Variants in KIR2DL3 observed in about 807,000 individuals in gnomAD.
KIR2DL3 encodes the protein killer cell immunoglobulin-like receptor 2DL3.
In KIR2DL3, 39 loss-of-function variants were observed where a neutral mutation model predicts 33.8. The observed-to-expected ratio is 1.15, with a 90% CI of 0.89 to 1.51. The LOEUF is 1.51. Ranked by LOEUF, KIR2DL3 falls within the 40% of genes most tolerant of loss-of-function variation. KIR2DL3 has a pLI of 0.00. For synonymous variants in KIR2DL3, 174 were observed against 160.2 expected (o/e 1.09, Z -0.65); for missense variants, 462 against 426.2 (o/e 1.08, Z -0.74).
Position 54,743,972 on chromosome 19 carries a change from C to A in KIR2DL3, c.548C>A (p.Ala183Asp). The change falls in exon 4 of 8, where the codon GCC (alanine) becomes GAC (aspartate). Residue 183 changes from alanine to aspartate, a missense_variant. Transcript: ENST00000342376. Reference sequence around the variant, plus strand: ...CCCAAGGTCAACGGAACATTCCAGGCCGACTTTCCTCTGGGCCCTGCCACC... The same window carrying A: ...CCCAAGGTCAACGGAACATTCCAGGACGACTTTCCTCTGGGCCCTGCCACC... ...AGPKVNGTFQ[A>D]DFPLGPATHG... 6.2e-7 allele frequency: 1 copy of A among 1,614,218 alleles called. No homozygotes were observed. The highest frequency in any genetic ancestry group is 8.5e-7 in the Non-Finnish European group (1 of 1,180,034).
chr19:54,741,072 T>G (rs186518676), intron 2 of KIR2DL3, among the ~76,000 whole-genome samples: 9,117 of 149,844 alleles, frequency 0.061, 363 homozygotes, highest in African/African-American at 0.12. Flanking sequence ...CTGTCTCCAG[T>G]ACTGGAAGGT....
chr19:54,743,724 G>T, intron 3 of KIR2DL3, 71 bp from the exon 4 acceptor site: 1 of 1,316,060 alleles, frequency 7.6e-7, no homozygotes, highest in Non-Finnish European at 1.0e-6. Flanking sequence ...AGGGGAGTGA[G>T]TTCTCAGCTC....
chr19:54,744,943 T>TATAC (rs2072151269), intron 4 of KIR2DL3, among the ~76,000 whole-genome samples: 3 of 27,602 alleles, frequency 1.1e-4, no homozygotes, highest in Non-Finnish European at 7.4e-5. Context: ...TATATATATA[T>TATAC]ATATATATAT....
At chr19:54,747,797 C>T (rs2072786747) in intron 5 of KIR2DL3, among the ~76,000 whole-genome samples, 2 of 152,226 alleles carry the variant, frequency 1.3e-5, no homozygotes, top group African/African-American at 2.4e-5. Flanking sequence ...ATGAAGCAAC[C>T]CTGGCTGACT....
chr19:54,744,965 T>A (rs1403276873), intron 4 of KIR2DL3, among the ~76,000 whole-genome samples: 139 of 81,612 alleles, frequency 1.7e-3, no homozygotes, highest in Middle Eastern at 7.1e-3. Context: ...TTTTTTTTTT[T>A]TTTTTTTTTT....
intron 5 of KIR2DL3, among the ~76,000 whole-genome samples, chr19:54,751,211 C>A (rs1156611345): frequency 7.6e-6 from 1 of 132,146 alleles, no homozygotes; most frequent in Non-Finnish European, 1.7e-5. Context: ...AGAGATCACA[C>A]GGCAAGAGAG....
rs545877164 is a variant in KIR2DL3 at position 54,749,381 on chromosome 19, G to C, written c.715+1996G>C. ...AATTGCCACCCCACTGGTGAAATGT[G>C]GTGCTGATTTAGACACTAAATGAAT... On this transcript the variant is annotated intron_variant, in intron 5 of 7. Transcript: ENST00000342376. 6.6e-5 allele frequency among the ~76,000 whole-genome samples: 9 copies of C among 136,258 alleles called. No individual in the cohort carries two copies. The Admixed American group carries it at 6.7e-4, about 10-fold the overall frequency. The allele number at this position is 136,258 out of a possible 152,430, so 89.4% of individuals were successfully genotyped here.
intron 5 of KIR2DL3, among the ~76,000 whole-genome samples, chr19:54,748,479 C>T (rs1389105905): frequency 2.1e-4 from 29 of 139,612 alleles, no homozygotes; most frequent in Admixed American, 1.3e-3. Context: ...CTTCCACAAA[C>T]GGTGAACAAG....
chr19:54,747,456 ACTC>A, intron 5 of KIR2DL3, 71 bp downstream of exon 5: 3 of 1,534,752 alleles, frequency 2.0e-6, no homozygotes, highest in Non-Finnish European at 2.7e-6. Context: ...GCAGGCATTG[ACTC>A]AGCATCTCGC....
chr19:54,742,146 G>A lies in KIR2DL3; in HGVS notation c.237G>A (p.Gly79=), dbSNP rs1336949746. ...ACCTCATTGGAGAGCACCATGATGGGGTCTCCAAGGCCAACTTCTCCATCG... is the reference window on the plus strand; with the variant it reads ...ACCTCATTGGAGAGCACCATGATGGAGTCTCCAAGGCCAACTTCTCCATCG... The part of the protein sequence containing the change: ...TLHLIGEHHD[G]VSKANFSIGP... Residue 79 remains glycine, a synonymous_variant, in exon 3 of 8, where the codon GGG becomes GGA. Transcript: ENST00000342376. 1 of 1,614,028 alleles carries A rather than the reference G, an allele frequency of 6.2e-7. No homozygotes were observed. The highest frequency in any genetic ancestry group is 1.3e-5 in the African/African-American group (1 of 74,958).
intron 4 of KIR2DL3, among the ~76,000 whole-genome samples, chr19:54,745,240 A>G (rs2072271900): frequency 6.6e-6 from 1 of 152,146 alleles, no homozygotes; most frequent in South Asian, 2.1e-4. Context: ...TACTGTGAAC[A>G]GTGCTGCACC....
intron 3 of KIR2DL3, among the ~76,000 whole-genome samples, chr19:54,743,428 G>A (rs565054436): frequency 3.9e-4 from 60 of 152,298 alleles, no homozygotes; most frequent in Non-Finnish European, 4.0e-4. Flanking sequence ...GATAGGCACC[G>A]AATAGATAAA....
In KIR2DL3 at chr19:54,752,288, G is replaced by A. The variant is rs1311417997; in HGVS notation, c.873+20G>A. The A allele has an allele frequency of 6.7e-7, 1 of 1,485,550 alleles. No homozygotes were observed. The highest frequency in any genetic ancestry group is 2.3e-5 in the East Asian group (1 of 44,374). The allele number at this position is 1,485,550 out of a possible 1,614,324, so 92.0% of individuals were successfully genotyped here. A position where few individuals can be genotyped will look rare whatever the true frequency, so the allele number is the denominator to read the frequency against. ...AGGGAGGTAGGTGCTCCTCGGCCCA[G>A]CCTCGTGGCTAGTGTTATTCCCAAA... On this transcript the variant is annotated intron_variant, in intron 7 of 7. Transcript: ENST00000342376.
rs2365231 is a variant in KIR2DL3, at chr19:54,752,287, A to G, written c.873+19A>G. 17 of 1,485,134 alleles carry G rather than the reference A, an allele frequency of 1.1e-5. No individual in the cohort carries two copies. The East Asian group carries it at 2.3e-4, about 20-fold the overall frequency. 92.0% of individuals were successfully genotyped at this position (1,485,134 alleles called of 1,614,324 possible). A position where few individuals can be genotyped will look rare whatever the true frequency, so the allele number is the denominator to read the frequency against. On this transcript the variant is annotated intron_variant, in intron 7 of 7. Coordinates refer to ENST00000342376, the MANE Select transcript of KIR2DL3 (RefSeq NM_015868.3). Reference sequence around the variant, plus strand: ...CAGGGAGGTAGGTGCTCCTCGGCCCAGCCTCGTGGCTAGTGTTATTCCCAA... The same window carrying G: ...CAGGGAGGTAGGTGCTCCTCGGCCCGGCCTCGTGGCTAGTGTTATTCCCAA...
chr19:54,748,322 T>A (rs2072882062), intron 5 of KIR2DL3, among the ~76,000 whole-genome samples: 1 of 151,158 alleles, frequency 6.6e-6, no homozygotes, highest in Non-Finnish European at 1.5e-5. Flanking sequence ...CTGGAAATCA[T>A]CCAGGATACC....
In KIR2DL3 at chr19:54,751,914, G is replaced by T. The variant is rs1236680293; in HGVS notation, c.820+161G>T. On this transcript the variant is annotated intron_variant, in intron 6 of 7. Transcript: ENST00000342376. ...AGAGAGCACCAGACTCCCTGTCCCT[G>T]CCTTCAGCTCACAGACCATTGCCTG... is the stretch of plus-strand genomic sequence containing the variant. 1.5e-4 allele frequency among the ~76,000 whole-genome samples: 20 copies of T among 133,570 alleles called. 3 individuals carry two copies. The Admixed American group carries it at 1.6e-3, about 10-fold the overall frequency. The allele number at this position is 133,570 out of a possible 152,430, so 87.6% of individuals were successfully genotyped here. A position where few individuals can be genotyped will look rare whatever the true frequency, so the allele number is the denominator to read the frequency against.
chr19:54,744,139 T>C lies in KIR2DL3; in HGVS notation c.664+51T>C, dbSNP rs1468723737. On this transcript the variant is annotated intron_variant, in intron 4 of 7. Transcript: ENST00000342376. ...TGTCCTATGATCCTAGAGCCTTAGC[T>C]GAGGAGCTTCCTGCTGATGATGGAG... 6 of 1,606,042 alleles carry C rather than the reference T, an allele frequency of 3.7e-6. No individual in the cohort carries two copies. The African/African-American group carries it at 5.4e-5, about 14-fold the overall frequency.
chr19:54,739,117 C>G (rs1450719180), intron 1 of KIR2DL3, among the ~76,000 whole-genome samples: 3 of 148,592 alleles, frequency 2.0e-5, no homozygotes, highest in Non-Finnish European at 4.5e-5. Context: ...GAGATATGGG[C>G]CTGGGTGTGG....
chr19:54,743,768 G>C (rs1555901830), intron 3 of KIR2DL3, 27 bp from the exon 4 acceptor site: 378,443 of 1,431,558 alleles, frequency 0.26, 47,028 homozygotes, highest in South Asian at 0.4. Flanking sequence ...AAGATCCTCC[G>C]TAAGGAAAAT....
Sources: allele counts gnomAD v4.1 joint callset (sites outside exome capture counted in the v4.1 genomes callset), GRCh38; gene constraint gnomAD v4.1.1; transcripts MANE v1.5; gene names NCBI Gene and HGNC (gene_info 2026-07-23, HGNC 2026-07-21).